The following ROR1 variants were observed in gnomAD, a reference collection of about 807,000 sequenced individuals.
ROR1 encodes ROR family WNT receptor 1.
ROR1 carries 19 observed loss-of-function variants against 78.8 expected under a neutral mutation model. The observed-to-expected ratio is 0.24, with a 90% CI of 0.17 to 0.35. The LOEUF (loss-of-function observed/expected upper bound fraction) is 0.35, where lower values mean the gene tolerates loss of function less well. Among genes scored for constraint, ROR1 ranks in the 10% least tolerant of loss-of-function variants. The pLI, the probability that ROR1 is intolerant of heterozygous loss-of-function variation, is 1.00. For synonymous variants in ROR1, 386 were observed against 433.6 expected (o/e 0.89, Z 1.36); for missense variants, 917 against 1,177.8 (o/e 0.78, Z 3.24).
At chr1:63,886,367 G>A (rs987327079) in intron 1 of ROR1, among the ~76,000 whole-genome samples, 1 of 152,168 alleles carries the variant, frequency 6.6e-6, no homozygotes, top group African/African-American at 2.4e-5. Context: ...GGAAAATGAG[G>A]TGGTTGCAAT....
intron 4 of ROR1, among the ~76,000 whole-genome samples, chr1:64,058,596 G>GGT (rs1286447447): frequency 2.6e-5 from 1 of 38,200 alleles, no homozygotes; most frequent in Non-Finnish European, 5.0e-5. Flanking sequence ...GATCGTGGTG[G>GGT]GTTTTTTTTT....
intron 2 of ROR1, among the ~76,000 whole-genome samples, chr1:64,041,053 A>G (rs577317292): frequency 1.3e-5 from 2 of 152,334 alleles, no homozygotes; most frequent in African/African-American, 4.8e-5. Context: ...ACAGTATGTT[A>G]TAAAATGCAG....
intron 4 of ROR1, among the ~76,000 whole-genome samples, chr1:64,056,124 T>G (rs1646872267): frequency 6.6e-6 from 1 of 152,206 alleles, no homozygotes; most frequent in African/African-American, 2.4e-5. Context: ...TTATTCTGAA[T>G]AATGCTGCCA....
chr1:64,055,961 A>G (rs1646870468), intron 4 of ROR1, among the ~76,000 whole-genome samples: 1 of 152,204 alleles, frequency 6.6e-6, no homozygotes, highest in African/African-American at 2.4e-5. Flanking sequence ...GCCTTCTTTC[A>G]CTTAGCATAA....
chr1:64,060,568 C>T (rs1240468523), intron 4 of ROR1, among the ~76,000 whole-genome samples: 1 of 152,132 alleles, frequency 6.6e-6, no homozygotes, highest in African/African-American at 2.4e-5. Context: ...AATGTAATAT[C>T]CAACCCAAGA....
At chr1:64,075,579 G>C (rs909812149) in intron 4 of ROR1, among the ~76,000 whole-genome samples, 1 of 152,126 alleles carries the variant, frequency 6.6e-6, no homozygotes, top group Non-Finnish European at 1.5e-5. Flanking sequence ...CATTTTCCCT[G>C]TGATTGCAAT....
In ROR1 at chr1:63,974,964, C is replaced by G. The variant is rs573730432; in HGVS notation, c.92-34341C>G. 2.0e-5 allele frequency among the ~76,000 whole-genome samples: 3 copies of G among 152,322 alleles called. No homozygotes were observed. In the South Asian group the frequency reaches 6.2e-4, roughly 32 times the overall value. On this transcript the variant is annotated intron_variant, in intron 1 of 8. Transcript: ENST00000371079. ...CCTCATTGTGCCTCAGTTTTATAAT[C>G]TGTAAAGTGGGATTGCACTCAAAGA...
intron 1 of ROR1, among the ~76,000 whole-genome samples, chr1:63,916,665 C>G (rs1448079842): frequency 2.0e-5 from 3 of 152,164 alleles, no homozygotes; most frequent in Non-Finnish European, 4.4e-5. Flanking sequence ...CTCTGATCAG[C>G]TCAAAGGTCC....
At chr1:63,969,090 A>G (rs1434625657) in intron 1 of ROR1, among the ~76,000 whole-genome samples, 1 of 152,118 alleles carries the variant, frequency 6.6e-6, no homozygotes, top group Non-Finnish European at 1.5e-5. Flanking sequence ...AGACTACTGT[A>G]GTTATGCCAG....
intron 1 of ROR1, among the ~76,000 whole-genome samples, chr1:63,881,615 A>G (rs918320340): frequency 2.6e-4 from 39 of 152,318 alleles, no homozygotes; most frequent in Admixed American, 2.2e-3. Flanking sequence ...TATTTTGTAT[A>G]TAGAGATCTT....
At chr1:63,941,287 T>G (rs993317528) in intron 1 of ROR1, among the ~76,000 whole-genome samples, 22 of 152,172 alleles carry the variant, frequency 1.4e-4, no homozygotes, top group African/African-American at 4.8e-4. Context: ...CAAAGGGATA[T>G]GGTATATGCA....
chr1:63,887,880 T>C (rs1236481104), intron 1 of ROR1, among the ~76,000 whole-genome samples: 1 of 152,234 alleles, frequency 6.6e-6, no homozygotes. Context: ...TTCACTCTTC[T>C]GAACATTTTA....
chr1:63,925,890 G>A (rs1346795247), intron 1 of ROR1, among the ~76,000 whole-genome samples: 5 of 150,756 alleles, frequency 3.3e-5, no homozygotes, highest in African/African-American at 1.2e-4. Flanking sequence ...ATTTGTTTGA[G>A]TTCATTGTAG....
chr1:64,058,589 C>A (rs533216059), intron 4 of ROR1, among the ~76,000 whole-genome samples: 1 of 65,448 alleles, frequency 1.5e-5, no homozygotes, highest in Non-Finnish European at 3.0e-5. Context: ...TTTAGATGAT[C>A]GTGGTGGGTT....
chr1:64,143,331 G>A lies in ROR1; in HGVS notation c.1174+681G>A, dbSNP rs1417547324. 4 of 943,564 alleles carry A rather than the reference G, an allele frequency of 4.2e-6. No homozygotes were observed. In the African/African-American group the frequency reaches 7.2e-5, roughly 17 times the overall value. The allele number at this position is 943,564 out of a possible 1,614,324, so 58.4% of individuals were successfully genotyped here. ...AGCCCAGGGGTTCAAGACCAGCCCAGGCAACATAGTGAGACTCCATCTCTA... is the reference window on the plus strand; with the variant it reads ...AGCCCAGGGGTTCAAGACCAGCCCAAGCAACATAGTGAGACTCCATCTCTA... On this transcript the variant is annotated intron_variant, in intron 7 of 8. Coordinates refer to ENST00000371079, the MANE Select transcript of ROR1 (RefSeq NM_005012.4).
chr1:64,116,704 T>C (rs1382727035), intron 4 of ROR1, among the ~76,000 whole-genome samples: 1 of 152,166 alleles, frequency 6.6e-6, no homozygotes, highest in Non-Finnish European at 1.5e-5. Flanking sequence ...CTCTTCCCTT[T>C]GGCACCAATC....
intron 1 of ROR1, among the ~76,000 whole-genome samples, chr1:63,878,596 T>C (rs762985235): frequency 6.6e-6 from 1 of 152,090 alleles, no homozygotes; most frequent in Non-Finnish European, 1.5e-5. Context: ...ATCCTTGCCA[T>C]GGCTTGGCTT....
intron 1 of ROR1, among the ~76,000 whole-genome samples, chr1:63,806,524 A>G (rs781025694): frequency 3.9e-5 from 6 of 152,148 alleles, no homozygotes; most frequent in Non-Finnish European, 5.9e-5. Context: ...TCACTGCGTT[A>G]GCCAGGATGG....
intron 1 of ROR1, among the ~76,000 whole-genome samples, chr1:63,883,393 C>A (rs1329964827): frequency 7.3e-6 from 1 of 136,850 alleles, no homozygotes; most frequent in Non-Finnish European, 1.6e-5. Context: ...TACTTGTAAT[C>A]TTAAAAGTCC....
Sources: allele counts gnomAD v4.1 joint callset (sites outside exome capture counted in the v4.1 genomes callset), GRCh38; gene constraint gnomAD v4.1.1; transcripts MANE v1.5; gene names NCBI Gene and HGNC (gene_info 2026-07-23, HGNC 2026-07-21).